ZBTB7C: variants seen among roughly 807,000 people sequenced by gnomAD.
ZBTB7C encodes zinc finger and BTB domain containing 7C.
ZBTB7C carries 8 observed loss-of-function variants against 25.7 expected under a neutral mutation model. The observed-to-expected ratio is 0.31, with a 90% CI of 0.18 to 0.56. The LOEUF (loss-of-function observed/expected upper bound fraction) is 0.56, where lower values mean the gene tolerates loss of function less well. Ranked by LOEUF, ZBTB7C falls within the 20% of genes least tolerant of loss-of-function variation. The pLI, the probability that ZBTB7C is intolerant of heterozygous loss-of-function variation, is 0.91. For missense variants in ZBTB7C, 824 were observed against 855.2 expected (o/e 0.96, Z 0.46); for synonymous variants, 394 against 369.0 (o/e 1.07, Z -0.78).
At chr18:48,367,303 TGTATAG>T (rs1343242231) in intron 1 of ZBTB7C, among the ~76,000 whole-genome samples, 11 of 136,822 alleles carry the variant, frequency 8.0e-5, no homozygotes, top group African/African-American at 2.4e-4. Context: ...TATACATATA[TGTATAG>T]ATACATATAT....
chr18:48,407,622 T>C (rs2048310563), intron 1 of ZBTB7C, among the ~76,000 whole-genome samples: 1 of 152,214 alleles, frequency 6.6e-6, no homozygotes, highest in Non-Finnish European at 1.5e-5. Context: ...CTAGCCACTG[T>C]AGCAGGTCAC....
At chr18:48,052,327 T>A (rs1173229182) in intron 3 of ZBTB7C, among the ~76,000 whole-genome samples, 1 of 152,226 alleles carries the variant, frequency 6.6e-6, no homozygotes, top group Non-Finnish European at 1.5e-5. Flanking sequence ...TGGTTTAGAT[T>A]TTGCTAGTTA....
intron 2 of ZBTB7C, among the ~76,000 whole-genome samples, chr18:48,254,549 G>C (rs1022987204): frequency 6.6e-6 from 1 of 152,000 alleles, no homozygotes; most frequent in Non-Finnish European, 1.5e-5. Flanking sequence ...CTCCTCTCTC[G>C]TTTCTTCTGC....
intron 2 of ZBTB7C, among the ~76,000 whole-genome samples, chr18:48,218,696 C>T (rs984068257): frequency 6.6e-6 from 1 of 152,188 alleles, no homozygotes; most frequent in Non-Finnish European, 1.5e-5. Context: ...TCTCCTTGGC[C>T]TAAGAACCTC....
At chr18:48,154,678 T>G (rs1334831496) in intron 3 of ZBTB7C, among the ~76,000 whole-genome samples, 1 of 152,004 alleles carries the variant, frequency 6.6e-6, no homozygotes, top group Non-Finnish European at 1.5e-5. Context: ...ATAAAGGCAG[T>G]TTTTTTACCC....
intron 1 of ZBTB7C, among the ~76,000 whole-genome samples, chr18:48,360,904 T>G (rs2047090057): frequency 6.6e-6 from 1 of 152,082 alleles, no homozygotes; most frequent in Admixed American, 6.5e-5. Flanking sequence ...AAGCTGGTTG[T>G]TAGGCAAAGG....
chr18:48,288,484 C>T (rs2045123363), intron 2 of ZBTB7C, among the ~76,000 whole-genome samples: 1 of 142,800 alleles, frequency 7.0e-6, no homozygotes, highest in South Asian at 2.2e-4. Flanking sequence ...ACCATCTCTA[C>T]TAAAAGTACA....
In ZBTB7C at chr18:48,165,114, A is replaced by G; in HGVS notation, c.-17+20820T>C. 2.3e-6 allele frequency: 3 copies of G among 1,289,178 alleles called. No homozygotes were observed. In the South Asian group the frequency reaches 3.7e-5, roughly 16 times the overall value. The allele number at this position is 1,289,178 out of a possible 1,614,324, so 79.9% of individuals were successfully genotyped here. The stretch of plus-strand genomic sequence containing the variant: ...ACAAGTATGGTTACAAAATCCCAGC[A>G]TTACAGGGACACTCACCAACCCTTC... On this transcript the variant is annotated intron_variant, in intron 3 of 4. Coordinates refer to ENST00000590800, the MANE Select transcript of ZBTB7C (RefSeq NM_001318841.2).
chr18:48,374,066 G>C (rs1221582567), intron 1 of ZBTB7C, among the ~76,000 whole-genome samples: 5 of 152,154 alleles, frequency 3.3e-5, no homozygotes, highest in Non-Finnish European at 7.4e-5. Flanking sequence ...TCCACCAGGA[G>C]TAAAAGCTTC....
chr18:48,350,051 A>G (rs1030730784), intron 1 of ZBTB7C, among the ~76,000 whole-genome samples: 13 of 152,350 alleles, frequency 8.5e-5, no homozygotes, highest in Admixed American at 2.6e-4. Context: ...CACTCTAACT[A>G]GACTGGGACT....
chr18:48,201,444 C>T (rs1350729291), intron 2 of ZBTB7C, among the ~76,000 whole-genome samples: 1 of 152,126 alleles, frequency 6.6e-6, no homozygotes, highest in Non-Finnish European at 1.5e-5. Flanking sequence ...GATGACATCA[C>T]CCCTGGCTCT....
At chr18:48,138,896 C>G (rs1038362379) in intron 3 of ZBTB7C, among the ~76,000 whole-genome samples, 1 of 152,194 alleles carries the variant, frequency 6.6e-6, no homozygotes, top group Non-Finnish European at 1.5e-5. Flanking sequence ...GCTGTGTGCC[C>G]GTAAAGGGTT....
intron 1 of ZBTB7C, among the ~76,000 whole-genome samples, chr18:48,391,837 G>T (rs959225600): frequency 6.6e-6 from 1 of 152,182 alleles, no homozygotes; most frequent in African/African-American, 2.4e-5. Context: ...GAGAACTACT[G>T]TTCAAGCACT....
At chr18:48,071,963 A>C (rs113003294) in intron 3 of ZBTB7C, among the ~76,000 whole-genome samples, 43 of 152,296 alleles carry the variant, frequency 2.8e-4, no homozygotes, top group African/African-American at 9.9e-4. Context: ...GTTAGTGTTT[A>C]ATGGGGACAG....
intron 1 of ZBTB7C, among the ~76,000 whole-genome samples, chr18:48,341,982 T>C (rs1479131584): frequency 2.0e-5 from 3 of 152,138 alleles, no homozygotes; most frequent in Admixed American, 1.3e-4. Context: ...ATCAGGGCCA[T>C]TGTGGGGCTC....
At chr18:48,035,839 G>C (rs1233533322) in intron 4 of ZBTB7C, among the ~76,000 whole-genome samples, 2 of 152,226 alleles carry the variant, frequency 1.3e-5, no homozygotes. Context: ...AAGGATTCCT[G>C]ATGAAGAGGA....
intron 3 of ZBTB7C, among the ~76,000 whole-genome samples, chr18:48,072,267 T>C (rs2037571699): frequency 1.3e-5 from 2 of 152,198 alleles, no homozygotes; most frequent in Admixed American, 1.3e-4. Flanking sequence ...GTCTGTAAAA[T>C]GGGGTAAGAA....
At chr18:48,322,728 A>T (rs2046127540) in intron 2 of ZBTB7C, among the ~76,000 whole-genome samples, 1 of 152,216 alleles carries the variant, frequency 6.6e-6, no homozygotes, top group Non-Finnish European at 1.5e-5. Flanking sequence ...TCATTACACA[A>T]AAAAGATACT....
chr18:48,315,679 G>A (rs2045930987), intron 2 of ZBTB7C, among the ~76,000 whole-genome samples: 1 of 152,118 alleles, frequency 6.6e-6, no homozygotes, highest in Non-Finnish European at 1.5e-5. Flanking sequence ...CTCCTCATGG[G>A]CGTGGATAGA....
Sources: allele counts gnomAD v4.1 joint callset (sites outside exome capture counted in the v4.1 genomes callset), GRCh38; gene constraint gnomAD v4.1.1; transcripts MANE v1.5; gene names NCBI Gene and HGNC (gene_info 2026-07-23, HGNC 2026-07-21).